KMO: variants seen among roughly 807,000 people sequenced by gnomAD.
KMO encodes the protein kynurenine 3-hydroxylase.
Under a neutral mutation model 57.8 loss-of-function variants are expected in KMO, and 24 were observed. The observed-to-expected ratio is 0.42, with a 90% CI of 0.30 to 0.58. KMO has a LOEUF of 0.58. KMO is among the 20% of genes least tolerant of loss of function. KMO has a pLI of 0.22. For missense variants in KMO, 483 were observed against 588.2 expected (o/e 0.82, Z 1.85); for synonymous variants, 210 against 193.6 (o/e 1.08, Z -0.70).
At chr1:241,550,277 G>A (rs541518822) in intron 3 of KMO, among the ~76,000 whole-genome samples, 15 of 152,170 alleles carry the variant, frequency 9.9e-5, no homozygotes, top group South Asian at 4.1e-4. Context: ...ATTATGGGGC[G>A]GGTTTATGTG....
At chr1:241,542,949 C>A (rs1171086380) in intron 1 of KMO, among the ~76,000 whole-genome samples, 1 of 152,168 alleles carries the variant, frequency 6.6e-6, no homozygotes, top group Admixed American at 6.5e-5. Context: ...ACGCCCATTA[C>A]TACCCCTTCT....
At chr1:241,562,939 GA>G (rs1369387891) in intron 7 of KMO, among the ~76,000 whole-genome samples, 41 of 76,888 alleles carry the variant, frequency 5.3e-4, no homozygotes, top group South Asian at 9.6e-4. Flanking sequence ...AGGAAGGAAG[GA>G]GACGGGAAGG....
chr1:241,575,561 G>A (rs1235910601), intron 10 of KMO, among the ~76,000 whole-genome samples: 1 of 151,950 alleles, frequency 6.6e-6, no homozygotes. Context: ...TAATTTCCAT[G>A]TATTTGTATA....
intron 1 of KMO, among the ~76,000 whole-genome samples, chr1:241,541,776 C>T (rs1212485326): frequency 6.6e-6 from 1 of 152,140 alleles, no homozygotes. Context: ...GTAGAGTTAA[C>T]AGTCTGATTC....
chr1:241,538,995 A>G (rs758630296), intron 1 of KMO, among the ~76,000 whole-genome samples: 2 of 152,202 alleles, frequency 1.3e-5, no homozygotes, highest in African/African-American at 4.8e-5. Context: ...ACTCAAAGAA[A>G]AAGAGCACCC....
At chr1:241,561,015 A>G (rs1206699859) in intron 6 of KMO, among the ~76,000 whole-genome samples, 2 of 151,932 alleles carry the variant, frequency 1.3e-5, no homozygotes, top group East Asian at 1.9e-4. Flanking sequence ...ATGTGCTTCA[A>G]ACTCTCTCCT....
intron 1 of KMO, among the ~76,000 whole-genome samples, chr1:241,547,824 T>C (rs560341242): frequency 6.6e-6 from 1 of 152,220 alleles, no homozygotes; most frequent in African/African-American, 2.4e-5. Context: ...TCCACTTCCA[T>C]GTATAGAACC....
At chr1:241,554,186 C>T (rs1661513641) in intron 4 of KMO, among the ~76,000 whole-genome samples, 1 of 151,882 alleles carries the variant, frequency 6.6e-6, no homozygotes, top group Non-Finnish European at 1.5e-5. Context: ...AAATCCAGGC[C>T]AGATTTATTA....
At position 241,588,806 on chromosome 1, in the gene KMO, C is replaced by A. The variant is rs1002364208; in HGVS notation, c.1074C>A (p.Asp358Glu). 15 of 1,613,004 alleles carry A rather than the reference C, an allele frequency of 9.3e-6. No individual in the cohort carries two copies. Among genetic ancestry groups the A allele is most frequent in the Non-Finnish European group, 1.3e-5 (15 of 1,179,364 alleles). Residue 358 changes from aspartate to glutamate, a missense_variant, in exon 12 of 15, where the codon GAC becomes GAA. Transcript: ENST00000366559. ...TCCCAGATGATCACGCGATTTCAGA[C>A]CTATCCATGTACAATTACATAGAGG... ...LRIPDDHAIS[D>E]LSMYNYIEMR...
intron 10 of KMO, among the ~76,000 whole-genome samples, chr1:241,584,073 G>A (rs917994027): frequency 6.6e-6 from 1 of 152,094 alleles, no homozygotes; most frequent in Non-Finnish European, 1.5e-5. Flanking sequence ...TTGGTGTGCT[G>A]CACCCATTAA....
At chr1:241,590,163 G>A in intron 13 of KMO, 41 bp from the exon 14 acceptor site, 1 of 1,607,682 alleles carries the variant, frequency 6.2e-7, no homozygotes. Flanking sequence ...CTGTTTAGCT[G>A]TTAAAGAATA....
chr1:241,549,232 A>AGAAG (rs1661284480), intron 2 of KMO, among the ~76,000 whole-genome samples: 1 of 13,632 alleles, frequency 7.3e-5, no homozygotes, highest in South Asian at 0.011. Context: ...AAAGAAAGAA[A>AGAAG]GAAAGAAAGA....
At chr1:241,584,906 C>T (rs1220516977) in intron 10 of KMO, among the ~76,000 whole-genome samples, 1 of 152,060 alleles carries the variant, frequency 6.6e-6, no homozygotes, top group Admixed American at 6.6e-5. Flanking sequence ...ATTTACTTAC[C>T]TTATCTTTAC....
intron 4 of KMO, among the ~76,000 whole-genome samples, chr1:241,554,229 TC>T (rs1661518440): frequency 3.4e-5 from 1 of 29,694 alleles, no homozygotes; most frequent in Non-Finnish European, 9.0e-5. Context: ...TACTTTTCTT[TC>T]CTTCCTTCCT....
At chr1:241,578,651 T>C (rs1428642242) in intron 10 of KMO, among the ~76,000 whole-genome samples, 1 of 152,126 alleles carries the variant, frequency 6.6e-6, no homozygotes, top group Admixed American at 6.5e-5. Flanking sequence ...GCTTAGTGTG[T>C]TGGCTATTTC....
At chr1:241,586,588 T>C in intron 10 of KMO, 91 bp from the exon 11 acceptor site, 1 of 854,468 alleles carries the variant, frequency 1.2e-6, no homozygotes, top group Non-Finnish European at 1.9e-6. Context: ...TGAATTATCT[T>C]CACCAATGGA....
intron 7 of KMO, among the ~76,000 whole-genome samples, chr1:241,563,115 A>G (rs569684402): frequency 1.3e-5 from 2 of 152,340 alleles, no homozygotes; most frequent in East Asian, 1.9e-4. Context: ...AAATCAAATA[A>G]TAGTTATTAA....
chr1:241,549,168 AAG>A (rs1042240535), intron 2 of KMO, among the ~76,000 whole-genome samples: 1 of 149,812 alleles, frequency 6.7e-6, no homozygotes, highest in Non-Finnish European at 1.5e-5. Context: ...GACCCAAAGA[AAG>A]AGAGAGAAAG....
At chr1:241,553,525 A>G (rs1661491056) in intron 4 of KMO, among the ~76,000 whole-genome samples, 2 of 152,104 alleles carry the variant, frequency 1.3e-5, no homozygotes, top group Admixed American at 1.3e-4. Flanking sequence ...TGTTTCTATA[A>G]AAAAATTTAA....
Sources: allele counts gnomAD v4.1 joint callset (sites outside exome capture counted in the v4.1 genomes callset), GRCh38; gene constraint gnomAD v4.1.1; transcripts MANE v1.5; gene names NCBI Gene and HGNC (gene_info 2026-07-23, HGNC 2026-07-21).